WDPCP: variants seen among roughly 807,000 people sequenced by gnomAD.
WDPCP encodes the protein WD repeat-containing and planar cell polarity effector protein fritz homolog.
WDPCP carries 71 observed loss-of-function variants against 93.1 expected under a neutral mutation model. The ratio of observed to expected loss-of-function variants is 0.76; its 90% CI spans 0.63 to 0.93. The LOEUF (loss-of-function observed/expected upper bound fraction) is 0.93, where lower values mean the gene tolerates loss of function less well. WDPCP is among the 40% of genes least tolerant of loss of function. WDPCP has a pLI of 0.00. For synonymous variants in WDPCP, 315 were observed against 315.0 expected, an observed-to-expected ratio of 1.00 and a Z score of 0.00; for missense variants, 844 against 887.4, an observed-to-expected ratio of 0.95 and a Z score of 0.62.
chr2:63,246,008 G>T (rs932584722), intron 14 of WDPCP, among the ~76,000 whole-genome samples: 1 of 152,144 alleles, frequency 6.6e-6, no homozygotes, highest in Non-Finnish European at 1.5e-5. Flanking sequence ...GTTCACTAAG[G>T]TCATCAGAAA....
chr2:63,598,558 T>A (rs934629660), intron 3 of WDPCP, among the ~76,000 whole-genome samples: 1 of 152,194 alleles, frequency 6.6e-6, no homozygotes, highest in Non-Finnish European at 1.5e-5. Flanking sequence ...TGAAAGAAAA[T>A]TTTTTAAGAT....
At chr2:63,165,405 AT>A (rs1672889172) in intron 15 of WDPCP, among the ~76,000 whole-genome samples, 2 of 151,982 alleles carry the variant, frequency 1.3e-5, no homozygotes, top group South Asian at 2.1e-4. Flanking sequence ...CAAGTGTTGG[AT>A]TTTTTTCACT....
chr2:63,398,681 C>T (rs749277209), intron 10 of WDPCP, among the ~76,000 whole-genome samples: 28 of 152,074 alleles, frequency 1.8e-4, no homozygotes, highest in African/African-American at 2.7e-4. Flanking sequence ...TTTTAAACTA[C>T]GACCCATGAT....
chr2:63,433,064 T>C (rs1326490013), intron 9 of WDPCP, among the ~76,000 whole-genome samples: 1 of 152,086 alleles, frequency 6.6e-6, no homozygotes. Flanking sequence ...AAACAGAGAA[T>C]TCTGTAACCA....
intron 13 of WDPCP, among the ~76,000 whole-genome samples, chr2:63,299,685 T>C (rs997844046): frequency 4.6e-5 from 7 of 152,160 alleles, no homozygotes; most frequent in African/African-American, 1.7e-4. Context: ...GTCCTCAACT[T>C]GTAAGGCATA....
At chr2:63,613,316 C>A (rs1436286968) in intron 3 of WDPCP, among the ~76,000 whole-genome samples, 2 of 152,206 alleles carry the variant, frequency 1.3e-5, no homozygotes, top group African/African-American at 4.8e-5. Context: ...CAGGAGAAAT[C>A]TCTAAGGAAG....
chr2:63,184,918 C>A (rs1420812865), intron 14 of WDPCP, among the ~76,000 whole-genome samples: 2 of 151,558 alleles, frequency 1.3e-5, no homozygotes, highest in Non-Finnish European at 2.9e-5. Context: ...ATTCTTTTTT[C>A]TTTGTCTAAC....
intron 2 of WDPCP, among the ~76,000 whole-genome samples, chr2:63,806,620 T>C (rs1162710557): frequency 6.6e-6 from 1 of 152,156 alleles, no homozygotes; most frequent in Non-Finnish European, 1.5e-5. Flanking sequence ...GAGACGAGTC[T>C]ATCTGACCTC....
chr2:63,773,035 A>G (rs1670251642), intron 2 of WDPCP, among the ~76,000 whole-genome samples: 1 of 152,036 alleles, frequency 6.6e-6, no homozygotes, highest in Admixed American at 6.6e-5. Context: ...TATATGTACA[A>G]AATCCAAAAG....
At chr2:63,248,508 C>T (rs1425682622) in intron 14 of WDPCP, among the ~76,000 whole-genome samples, 1 of 151,824 alleles carries the variant, frequency 6.6e-6, no homozygotes, top group African/African-American at 2.4e-5. Context: ...TTCTTCAGAT[C>T]ATCTTTCTGA....
intron 2 of WDPCP, among the ~76,000 whole-genome samples, chr2:63,675,973 T>C (rs1377096126): frequency 6.6e-6 from 1 of 152,250 alleles, no homozygotes; most frequent in Admixed American, 6.5e-5. Context: ...CCTCATAGTT[T>C]ACGATTACTT....
chr2:63,455,805 C>T (rs1335483192), intron 6 of WDPCP, among the ~76,000 whole-genome samples: 1 of 152,110 alleles, frequency 6.6e-6, no homozygotes, highest in Non-Finnish European at 1.5e-5. Context: ...AAATATTGGA[C>T]TTAAACCAGA....
intron 12 of WDPCP, among the ~76,000 whole-genome samples, chr2:63,351,668 C>A (rs962776280): frequency 5.9e-5 from 9 of 152,104 alleles, no homozygotes; most frequent in Non-Finnish European, 1.2e-4. Flanking sequence ...ATCAAATTCA[C>A]CATTGATAGG....
intron 3 of WDPCP, among the ~76,000 whole-genome samples, chr2:63,631,761 C>T (rs1709867118): frequency 6.6e-6 from 1 of 152,210 alleles, no homozygotes; most frequent in African/African-American, 2.4e-5. Flanking sequence ...AGCCATGCTG[C>T]AGGTGCCATT....
intron 6 of WDPCP, among the ~76,000 whole-genome samples, chr2:63,463,608 C>G (rs1699161599): frequency 6.6e-6 from 1 of 152,038 alleles, no homozygotes; most frequent in Non-Finnish European, 1.5e-5. Context: ...CAAAACTAAT[C>G]AAAAACAGTG....
At chr2:63,648,831 C>T (rs1342352293) in intron 3 of WDPCP, among the ~76,000 whole-genome samples, 2 of 152,176 alleles carry the variant, frequency 1.3e-5, no homozygotes, top group Non-Finnish European at 2.9e-5. Context: ...TTAAGTGGAA[C>T]ACTGCCAATT....
chr2:63,534,839 T>C (rs576477396), intron 1 of WDPCP, among the ~76,000 whole-genome samples: 47 of 152,276 alleles, frequency 3.1e-4, no homozygotes, highest in Admixed American at 2.1e-3. Context: ...CTATTCAACA[T>C]AGTGTTGGAA....
At chr2:63,437,986 A>C in intron 7 of WDPCP, 1 of 1,344,340 alleles carries the variant, frequency 7.4e-7, no homozygotes, top group Non-Finnish European at 9.6e-7. Context: ...GTTCTCTACC[A>C]GTCTATTTAT....
At chr2:63,417,985 T>C (rs144199224) in intron 9 of WDPCP, among the ~76,000 whole-genome samples, 103 of 152,116 alleles carry the variant, frequency 6.8e-4, no homozygotes, top group African/African-American at 2.3e-3. Context: ...AAAGTGCAAA[T>C]ACCTGCATTT....
Sources: allele counts gnomAD v4.1 joint callset (sites outside exome capture counted in the v4.1 genomes callset), GRCh38; gene constraint gnomAD v4.1.1; transcripts MANE v1.5; gene names NCBI Gene and HGNC (gene_info 2026-07-23, HGNC 2026-07-21).